PCDH11X: variants seen among roughly 807,000 people sequenced by gnomAD.
PCDH11X encodes protocadherin 11 X-linked.
Under a neutral mutation model 53.3 loss-of-function variants are expected in PCDH11X, and 18 were observed. The ratio of observed to expected loss-of-function variants is 0.34; its 90% confidence interval spans 0.23 to 0.50. The LOEUF (loss-of-function observed/expected upper bound fraction) is 0.50. Among genes scored for constraint, PCDH11X ranks in the 20% least tolerant of loss-of-function variants. The pLI is 0.98. For missense variants in PCDH11X, 570 were observed against 1,032.4 expected (o/e 0.55, Z 6.14); for synonymous variants, 279 against 393.3 (o/e 0.71, Z 3.44).
intron 6 of PCDH11X, among the ~76,000 whole-genome samples, chrX:92,162,390 C>T (rs1381944840): frequency 9.1e-6 from 1 of 110,020 alleles, no homozygotes; most frequent in African/African-American, 3.3e-5. Flanking sequence ...TGAGGTTTCA[C>T]CATATTGGCT....
At chrX:92,503,639 A>G (rs1437477897) in intron 10 of PCDH11X, among the ~76,000 whole-genome samples, 1 of 104,322 alleles carries the variant, frequency 9.6e-6, no homozygotes, top group Non-Finnish European at 2.0e-5. Context: ...AAAACCAAAC[A>G]CAGCATGTTC....
chrX:92,615,686 G>A (rs908459912), intron 10 of PCDH11X, among the ~76,000 whole-genome samples: 13 of 111,161 alleles, frequency 1.2e-4, no homozygotes, highest in Admixed American at 9.5e-4. Flanking sequence ...TATGTGCCTG[G>A]ATTAAAAATG....
intron 10 of PCDH11X, among the ~76,000 whole-genome samples, chrX:92,593,806 G>T (rs1456315402): frequency 9.3e-6 from 1 of 107,445 alleles, no homozygotes; most frequent in Non-Finnish European, 1.9e-5. Flanking sequence ...TTAGAGAATG[G>T]ACCTGCTGTT....
intron 1 of PCDH11X, among the ~76,000 whole-genome samples, chrX:91,790,737 A>T (rs1935503860): frequency 9.0e-6 from 1 of 111,171 alleles, no homozygotes; most frequent in African/African-American, 3.3e-5. Context: ...TGAAACTTTC[A>T]TTCATTATTA....
chrX:91,929,860 T>G (rs1942065789), intron 6 of PCDH11X, among the ~76,000 whole-genome samples: 1 of 111,053 alleles, frequency 9.0e-6, no homozygotes, highest in Admixed American at 9.6e-5. Context: ...ATCAATGTTT[T>G]GCAAATATAT....
chrX:91,997,087 C>A (rs189873142), intron 6 of PCDH11X, among the ~76,000 whole-genome samples: 3,961 of 108,592 alleles, frequency 0.036, 134 homozygotes, highest in African/African-American at 0.11. Flanking sequence ...TGTCTTGCAG[C>A]TTTATTGAAT....
At chrX:92,181,207 C>T (rs2065992706) in intron 6 of PCDH11X, among the ~76,000 whole-genome samples, 1 of 111,185 alleles carries the variant, frequency 9.0e-6, no homozygotes, top group Non-Finnish European at 1.9e-5. Flanking sequence ...TCTTGTTATG[C>T]CTTAGCAAAG....
At chrX:92,481,595 G>C (rs1300329899) in intron 10 of PCDH11X, among the ~76,000 whole-genome samples, 1 of 110,587 alleles carries the variant, frequency 9.0e-6, no homozygotes, top group Non-Finnish European at 1.9e-5. Context: ...CAGGCCAGCA[G>C]ACCAAGGGGT....
chrX:91,891,435 G>C (rs918984133), intron 6 of PCDH11X, among the ~76,000 whole-genome samples: 1 of 103,011 alleles, frequency 9.7e-6, no homozygotes, highest in Non-Finnish European at 2.0e-5. Context: ...ATTCTTCATG[G>C]TATAGCTCAT....
At position 92,150,172 on chromosome X, in the gene PCDH11X, C is replaced by T. The variant is rs182717808; in HGVS notation, c.3034-51203C>T. Among the ~76,000 whole-genome samples, 453 of 111,290 alleles carry T rather than the reference C, an allele frequency of 4.1e-3. 9 individuals are homozygous for T. Among genetic ancestry groups the T allele is most frequent in the Admixed American group, 0.034 (349 of 10,357 alleles). On this transcript the variant is annotated intron_variant, in intron 6 of 10. Coordinates refer to ENST00000682573, the MANE Select transcript of PCDH11X (RefSeq NM_032968.5). ...GTACATGTAGCTATTTGAGAAAGTG[C>T]CAAAGTTTTTTTCATAGTGGTTATG...
Position 91,811,298 on chromosome X carries a change from G to A in PCDH11X, c.-45+3G>A. 1 of 1,195,120 alleles carries A rather than the reference G, an allele frequency of 8.4e-7. No homozygotes were observed. ...GGTTTTAATTCAGATATTTCAAGGT[G>A]AGTTTCATATATATTAAATATCATA... On this transcript the variant is annotated splice_donor_region_variant and intron_variant, in intron 4 of 10. Coordinates refer to ENST00000682573, the MANE Select transcript of PCDH11X (RefSeq NM_032968.5).
chrX:92,039,216 G>A (rs1374512172), intron 6 of PCDH11X, among the ~76,000 whole-genome samples: 2 of 110,416 alleles, frequency 1.8e-5, no homozygotes, highest in Non-Finnish European at 3.8e-5. Flanking sequence ...CCACTACCAG[G>A]CTCCTTTCTA....
At chrX:92,039,092 G>C (rs1423533455) in intron 6 of PCDH11X, among the ~76,000 whole-genome samples, 1 of 111,980 alleles carries the variant, frequency 8.9e-6, no homozygotes, top group East Asian at 2.8e-4. Context: ...GCACTGCCTT[G>C]GTGGTCTTGT....
chrX:92,513,369 C>CA lies in PCDH11X; in HGVS notation c.3367+45052dup, dbSNP rs780843755. ...GTGAGGGTGCTAAAAATATTACTAG[C>CA]AAAAATAATGAAGAAACTTTGGAAG... On this transcript the variant is annotated intron_variant, in intron 10 of 10. Coordinates refer to ENST00000682573, the MANE Select transcript of PCDH11X (RefSeq NM_032968.5). 2.9e-3 allele frequency among the ~76,000 whole-genome samples: 310 copies of CA among 107,404 alleles called. 1 individual carries two copies. The highest frequency in any genetic ancestry group is 9.9e-3 in the African/African-American group (294 of 29,642). The allele number at this position is 107,404 out of a possible 115,157, so 93.3% of individuals were successfully genotyped here. A position where few individuals can be genotyped will look rare whatever the true frequency, so the allele number is the denominator to read the frequency against.
intron 6 of PCDH11X, among the ~76,000 whole-genome samples, chrX:92,012,645 G>A (rs768904745): frequency 9.0e-5 from 10 of 111,303 alleles, no homozygotes; most frequent in East Asian, 8.5e-4. Flanking sequence ...TAAAATCTCC[G>A]CCTAAAATGA....
intron 9 of PCDH11X, among the ~76,000 whole-genome samples, chrX:92,440,460 T>C (rs1490489055): frequency 9.2e-6 from 1 of 109,093 alleles, no homozygotes; most frequent in Non-Finnish European, 1.9e-5. Context: ...TACCCATGCA[T>C]TGTGGGAGGA....
chrX:91,989,390 G>A (rs1407202861), intron 6 of PCDH11X, among the ~76,000 whole-genome samples: 3 of 110,783 alleles, frequency 2.7e-5, no homozygotes, highest in Non-Finnish European at 3.8e-5. Flanking sequence ...GTGAAACCCC[G>A]CCTCTGACAA....
chrX:92,513,746 C>T (rs192829438), intron 10 of PCDH11X, among the ~76,000 whole-genome samples: 1,818 of 111,127 alleles, frequency 0.016, 29 homozygotes, highest in African/African-American at 0.056. Flanking sequence ...TAGTTTTTTA[C>T]AGATTCTTTG....
At chrX:91,991,106 A>C (rs901547807) in intron 6 of PCDH11X, among the ~76,000 whole-genome samples, 4 of 109,283 alleles carry the variant, frequency 3.7e-5, no homozygotes, top group African/African-American at 1.0e-4. Context: ...ACTAATTACT[A>C]CTTTCTGCAC....
Sources: allele counts gnomAD v4.1 joint callset (sites outside exome capture counted in the v4.1 genomes callset), GRCh38; gene constraint gnomAD v4.1.1; transcripts MANE v1.5; gene names NCBI Gene and HGNC (gene_info 2026-07-23, HGNC 2026-07-21).